Variants in ATP8B1 observed in about 807,000 individuals in gnomAD.
The protein encoded by ATP8B1 is phospholipid-transporting ATPase IC.
In ATP8B1, 80 loss-of-function variants were observed where a neutral mutation model predicts 149.9. That is an observed-to-expected ratio of 0.53 (90% confidence interval 0.45 to 0.64). The LOEUF is 0.64. Ranked by LOEUF, ATP8B1 falls within the 30% of genes least tolerant of loss-of-function variation. The pLI, the probability that ATP8B1 is intolerant of heterozygous loss-of-function variation, is 0.00. For missense variants in ATP8B1, 1,247 were observed against 1,552.6 expected, an observed-to-expected ratio of 0.80 and a Z score of 3.31; for synonymous variants, 536 against 562.8, an observed-to-expected ratio of 0.95 and a Z score of 0.67.
chr18:57,780,060 C>T (rs2080344372), intron 1 of ATP8B1, among the ~76,000 whole-genome samples: 3 of 152,098 alleles, frequency 2.0e-5, no homozygotes, highest in Admixed American at 6.5e-5. Flanking sequence ...CCTTGAAGCC[C>T]ACATTTCTAA....
chr18:57,737,606 A>AT (rs2079871098), intron 1 of ATP8B1, among the ~76,000 whole-genome samples: 1 of 148,072 alleles, frequency 6.8e-6, no homozygotes, highest in African/African-American at 2.5e-5. Flanking sequence ...GGCTCTCCCT[A>AT]TGTTCCTCAG....
At chr18:57,762,143 T>A (rs35256679) in intron 1 of ATP8B1, among the ~76,000 whole-genome samples, 20,151 of 62,014 alleles carry the variant, frequency 0.32, 1,751 homozygotes, top group South Asian at 0.5. Context: ...ATATATATAT[T>A]TTTTTTTTCT....
chr18:57,712,356 T>C (rs1225879754), intron 2 of ATP8B1, among the ~76,000 whole-genome samples: 1 of 152,010 alleles, frequency 6.6e-6, no homozygotes, highest in African/African-American at 2.4e-5. Flanking sequence ...AGTGCAGCGA[T>C]TGTGAGGCTT....
chr18:57,722,985 CA>C (rs1420653290), intron 2 of ATP8B1, among the ~76,000 whole-genome samples: 2 of 150,032 alleles, frequency 1.3e-5, no homozygotes, highest in South Asian at 2.1e-4. Context: ...TAAACAGAGC[CA>C]AAGACAAAAA....
At position 57,650,509 on chromosome 18, in the gene ATP8B1, A is replaced by G; in HGVS notation, c.3401-12T>C. ...GTTTGAAGCTGTGCCTGTAAAGAACATGGCAAATGCATCACTGTGGTTCTT... is the reference window on the plus strand; with the variant it reads ...GTTTGAAGCTGTGCCTGTAAAGAACGTGGCAAATGCATCACTGTGGTTCTT... On this transcript the variant is annotated splice_polypyrimidine_tract_variant and intron_variant, in intron 26 of 27. Transcript: ENST00000648908. 6.2e-7 allele frequency: 1 copy of G among 1,612,224 alleles called. No individual in the cohort carries two copies. Among genetic ancestry groups the G allele is most frequent in the Non-Finnish European group, 8.5e-7 (1 of 1,178,750 alleles).
At position 57,674,899 on chromosome 18, in the gene ATP8B1, T is replaced by C. The variant is rs35238397; in HGVS notation, c.1754A>G (p.Glu585Gly). ...NTITISELGT[E>G]RTYNVLAILD... The stretch of plus-strand genomic sequence containing the variant: ...AATGGCAAGAACATTGTAAGTCCTT[T>C]CAGTGCCCAGTTCACTGATGGTGAT... The change falls in exon 16 of 28, where the codon GAA becomes GGA. Residue 585 changes from glutamate (E) to glycine (G), a missense_variant. Physicochemically the swap from Glu to Gly is moderately conservative, Grantham distance 98. Coordinates refer to ENST00000648908, the MANE Select transcript of ATP8B1 (RefSeq NM_001374385.1). The C allele has an allele frequency of 1.6e-5, 26 of 1,614,130 alleles. No homozygotes were observed. In the East Asian group the frequency reaches 5.6e-4, roughly 35 times the overall value.
intron 11 of ATP8B1, among the ~76,000 whole-genome samples, chr18:57,692,332 A>G (rs1912574596): frequency 6.6e-6 from 1 of 151,362 alleles, no homozygotes; most frequent in Non-Finnish European, 1.5e-5. Flanking sequence ...GAACAATAAC[A>G]TACTGTTTGG....
chr18:57,668,244 T>A, intron 19 of ATP8B1, 185 bp downstream of exon 19: 1 of 1,416,980 alleles, frequency 7.1e-7, no homozygotes, highest in Non-Finnish European at 9.5e-7. Context: ...CTGAGGGGGA[T>A]CAGGAAAGGA....
At chr18:57,699,669 G>A (rs777794748) in intron 6 of ATP8B1, among the ~76,000 whole-genome samples, 79 of 152,218 alleles carry the variant, frequency 5.2e-4, no homozygotes, top group African/African-American at 1.6e-3. Flanking sequence ...TGCAGTGAGC[G>A]GAGATCGCGC....
chr18:57,731,391 A>G, intron 2 of ATP8B1: 1 of 369,702 alleles, frequency 2.7e-6, no homozygotes, highest in Non-Finnish European at 5.0e-6. Context: ...ACTAACAAAG[A>G]CCTTAATGTA....
intron 21 of ATP8B1, 139 bp downstream of exon 21, chr18:57,662,344 A>G: frequency 1.0e-6 from 1 of 998,630 alleles, no homozygotes; most frequent in Non-Finnish European, 1.5e-6. Context: ...ATTAAGTCTC[A>G]AACTTGGAAA....
At chr18:57,800,585 A>C (rs2080564475) in intron 1 of ATP8B1, among the ~76,000 whole-genome samples, 1 of 152,238 alleles carries the variant, frequency 6.6e-6, no homozygotes, top group Non-Finnish European at 1.5e-5. Context: ...CAATAATAGT[A>C]TTTTTAGATA....
chr18:57,719,722 A>G (rs1418877701), intron 2 of ATP8B1, among the ~76,000 whole-genome samples: 3 of 152,192 alleles, frequency 2.0e-5, no homozygotes, highest in Non-Finnish European at 2.9e-5. Context: ...TAGGTAAACA[A>G]AGCAGCCGGG....
intron 2 of ATP8B1, among the ~76,000 whole-genome samples, chr18:57,719,785 A>G (rs1022974978): frequency 1.3e-5 from 2 of 152,234 alleles, no homozygotes; most frequent in African/African-American, 4.8e-5. Context: ...CTGCCACTGT[A>G]GGCTCCACCT....
intron 2 of ATP8B1, among the ~76,000 whole-genome samples, chr18:57,708,229 T>C (rs1913514905): frequency 6.6e-6 from 1 of 152,080 alleles, no homozygotes; most frequent in Non-Finnish European, 1.5e-5. Flanking sequence ...CCTGATTGCT[T>C]TTTTAAAGCC....
At chr18:57,701,698 TTC>T (rs1380537420) in intron 4 of ATP8B1, among the ~76,000 whole-genome samples, 3 of 151,826 alleles carry the variant, frequency 2.0e-5, no homozygotes, top group Non-Finnish European at 4.4e-5. Flanking sequence ...AACTTTTTTT[TTC>T]TTTTTTTTTT....
intron 1 of ATP8B1, among the ~76,000 whole-genome samples, chr18:57,761,336 CAA>C (rs2080156297): frequency 6.6e-6 from 1 of 152,038 alleles, no homozygotes; most frequent in Non-Finnish European, 1.5e-5. Flanking sequence ...TGAGATAAGA[CAA>C]AGAGTGGGAG....
intron 2 of ATP8B1, chr18:57,731,409 T>G: frequency 2.1e-6 from 1 of 467,884 alleles, no homozygotes; most frequent in Non-Finnish European, 3.9e-6. Flanking sequence ...GTATTTTCTC[T>G]GCAGAACTTG....
chr18:57,697,213 A>T (rs974282293), intron 8 of ATP8B1, among the ~76,000 whole-genome samples: 15 of 152,244 alleles, frequency 9.9e-5, no homozygotes, highest in Admixed American at 9.8e-4. Context: ...CAGTGAGCTG[A>T]GATAGCACCA....
Sources: allele counts gnomAD v4.1 joint callset (sites outside exome capture counted in the v4.1 genomes callset), GRCh38; gene constraint gnomAD v4.1.1; transcripts MANE v1.5; gene names NCBI Gene and HGNC (gene_info 2026-07-23, HGNC 2026-07-21).